Variants in DAB1 observed in about 807,000 individuals in gnomAD.
DAB1 encodes disabled homolog 1.
In DAB1, 15 loss-of-function variants were observed where a neutral mutation model predicts 64.6. The observed-to-expected ratio is 0.23, with a 90% confidence interval of 0.16 to 0.36. The LOEUF (loss-of-function observed/expected upper bound fraction) is 0.36, where lower values mean the gene tolerates loss of function less well. DAB1 is among the 10% of genes least tolerant of loss of function. The pLI is 1.00. For missense variants in DAB1, 596 were observed against 706.7 expected (o/e 0.84, Z 1.78); for synonymous variants, 235 against 251.9 (o/e 0.93, Z 0.64).
intron 5 of DAB1, among the ~76,000 whole-genome samples, chr1:57,965,938 CG>C (rs138067877): frequency 0.038 from 5,768 of 150,992 alleles, 197 homozygotes; most frequent in East Asian, 0.12. Context: ...CTTTAAATGG[CG>C]GGGGGGGAGA....
intron 3 of DAB1, among the ~76,000 whole-genome samples, chr1:58,452,793 A>G (rs114650411): frequency 0.017 from 2,542 of 151,896 alleles, 40 homozygotes; most frequent in Middle Eastern, 0.041. Flanking sequence ...AAGCAACTGT[A>G]CTCCAGCCTG....
chr1:57,925,637 A>C (rs1183470490), intron 5 of DAB1, among the ~76,000 whole-genome samples: 1 of 152,236 alleles, frequency 6.6e-6, no homozygotes, highest in East Asian at 1.9e-4. Flanking sequence ...AAGAATATCC[A>C]TCATCTGGTC....
At chr1:57,135,753 A>C (rs894216104) in intron 4 of DAB1, among the ~76,000 whole-genome samples, 2 of 152,204 alleles carry the variant, frequency 1.3e-5, no homozygotes, top group Non-Finnish European at 2.9e-5. Context: ...TCCGCTGGTT[A>C]AGTATTGTTT....
chr1:58,434,687 T>C (rs1311185756), intron 3 of DAB1, among the ~76,000 whole-genome samples: 1 of 152,240 alleles, frequency 6.6e-6, no homozygotes, highest in Non-Finnish European at 1.5e-5. Flanking sequence ...TGTAACGTTA[T>C]AGGTGGAGAA....
At chr1:57,997,052 T>C (rs930913689) in intron 5 of DAB1, among the ~76,000 whole-genome samples, 2 of 152,022 alleles carry the variant, frequency 1.3e-5, no homozygotes, top group African/African-American at 4.8e-5. Context: ...TAATAAGTGG[T>C]TGCAGTCAGC....
At chr1:58,463,228 T>C (rs894221293) in intron 3 of DAB1, among the ~76,000 whole-genome samples, 17 of 152,214 alleles carry the variant, frequency 1.1e-4, no homozygotes, top group African/African-American at 4.1e-4. Flanking sequence ...TGAGCCTTAG[T>C]GCCTTCCCCA....
At chr1:57,063,178 GC>G (rs1339796185) in intron 8 of DAB1, among the ~76,000 whole-genome samples, 1 of 152,044 alleles carries the variant, frequency 6.6e-6, no homozygotes, top group African/African-American at 2.4e-5. Flanking sequence ...GGTCGTCTCT[GC>G]CATTGGGCTT....
intron 6 of DAB1, among the ~76,000 whole-genome samples, chr1:57,728,926 T>C (rs751621813): frequency 1.1e-4 from 17 of 151,812 alleles, no homozygotes; most frequent in Non-Finnish European, 1.9e-4. Context: ...GTAAAAGCCC[T>C]GTCAATGTTA....
At chr1:57,739,612 C>T (rs1048010358) in intron 6 of DAB1, among the ~76,000 whole-genome samples, 7 of 150,864 alleles carry the variant, frequency 4.6e-5, no homozygotes, top group Admixed American at 1.3e-4. Context: ...CCACCATGCC[C>T]GGCTAATTTT....
At chr1:57,218,894 A>AG (rs1401000531) in intron 2 of DAB1, among the ~76,000 whole-genome samples, 1 of 152,050 alleles carries the variant, frequency 6.6e-6, no homozygotes, top group African/African-American at 2.4e-5. Context: ...AGCAGCGGTG[A>AG]GGGGAGGGGC....
chr1:57,707,735 T>C (rs751044076), intron 6 of DAB1, among the ~76,000 whole-genome samples: 1 of 152,196 alleles, frequency 6.6e-6, no homozygotes. Context: ...CAGGACTTAT[T>C]TGTACTCATC....
At chr1:58,175,372 G>A (rs968176647) in intron 4 of DAB1, among the ~76,000 whole-genome samples, 7 of 152,116 alleles carry the variant, frequency 4.6e-5, no homozygotes, top group East Asian at 1.9e-4. Flanking sequence ...AACAAACTCC[G>A]GACACACCAC....
At chr1:58,024,979 G>A (rs1165312771) in intron 5 of DAB1, among the ~76,000 whole-genome samples, 1 of 152,062 alleles carries the variant, frequency 6.6e-6, no homozygotes, top group Admixed American at 6.6e-5. Flanking sequence ...ATAATTGCAT[G>A]AGTCAATTCC....
intron 6 of DAB1, among the ~76,000 whole-genome samples, chr1:57,798,759 G>A (rs778082293): frequency 7.9e-5 from 12 of 152,180 alleles, no homozygotes; most frequent in Admixed American, 5.9e-4. Flanking sequence ...TTTCTTCCAT[G>A]TCTGGGCTCA....
At chr1:57,142,633 C>CACACACACACAT (rs1658725796) in intron 3 of DAB1, among the ~76,000 whole-genome samples, 1 of 118,414 alleles carries the variant, frequency 8.4e-6, no homozygotes, top group African/African-American at 2.8e-5. Flanking sequence ...CACACACATA[C>CACACACACACAT]ACACACACAC....
At chr1:57,021,741 G>T (rs374480909) in intron 11 of DAB1, among the ~76,000 whole-genome samples, 9 of 152,286 alleles carry the variant, frequency 5.9e-5, no homozygotes, top group African/African-American at 2.2e-4. Flanking sequence ...AAATGTTAGG[G>T]CTGGAAGAGA....
intron 9 of DAB1, among the ~76,000 whole-genome samples, chr1:57,028,690 G>A (rs1162699987): frequency 6.6e-6 from 1 of 152,152 alleles, no homozygotes; most frequent in Non-Finnish European, 1.5e-5. Flanking sequence ...TTGGGAACTG[G>A]AGCAAAGATG....
intron 6 of DAB1, among the ~76,000 whole-genome samples, chr1:57,704,388 TG>T (rs1469773278): frequency 6.6e-6 from 1 of 152,180 alleles, no homozygotes; most frequent in Admixed American, 6.5e-5. Context: ...AGGTAACCCC[TG>T]GCCTCTGAGC....
At chr1:57,886,245 G>A (rs1644220349), upstream of DAB1, among the ~76,000 whole-genome samples, 2 of 141,280 alleles carry the variant, frequency 1.4e-5, no homozygotes, top group African/African-American at 5.3e-5. Context: ...TGCAACCTCC[G>A]CCTCCCGGCT....
Sources: gnomAD v4.1 joint callset for allele counts (sites outside exome capture counted in the v4.1 genomes callset) on GRCh38, gnomAD v4.1.1 for gene constraint, MANE v1.5 for transcripts, NCBI Gene and HGNC (gene_info 2026-07-23, HGNC 2026-07-21) for gene names.